The following CACNA1I variants were observed in gnomAD, a reference collection of about 807,000 sequenced individuals.
CACNA1I encodes calcium voltage-gated channel subunit alpha1 I.
In CACNA1I, 74 loss-of-function variants were observed where a neutral mutation model predicts 201.6. That is an observed-to-expected ratio of 0.37 (90% CI 0.30 to 0.45). The LOEUF (loss-of-function observed/expected upper bound fraction) is 0.45, where lower values mean the gene tolerates loss of function less well. Ranked by LOEUF, CACNA1I falls within the 20% of genes least tolerant of loss-of-function variation. The pLI, the probability that CACNA1I is intolerant of heterozygous loss-of-function variation, is 1.00. For synonymous variants in CACNA1I, 1,431 were observed against 1,345.2 expected (o/e 1.06, Z -1.40); for missense variants, 2,346 against 3,138.1 (o/e 0.75, Z 6.03).
intron 5 of CACNA1I, among the ~76,000 whole-genome samples, chr22:39,639,781 T>A (rs1934308164): frequency 6.6e-6 from 1 of 152,226 alleles, no homozygotes; most frequent in African/African-American, 2.4e-5. Context: ...AAGTTCTCCT[T>A]TGTACATGGG....
intron 7 of CACNA1I, among the ~76,000 whole-genome samples, chr22:39,645,951 T>C (rs1934474619): frequency 6.6e-6 from 1 of 152,164 alleles, no homozygotes; most frequent in Non-Finnish European, 1.5e-5. Context: ...GGCCAGATTC[T>C]GGTCAGAGAG....
intron 18 of CACNA1I, 47 bp from the exon 19 acceptor site, chr22:39,663,671 G>A (rs372033670): frequency 1.2e-6 from 2 of 1,609,696 alleles, no homozygotes; most frequent in Non-Finnish European, 1.7e-6. Context: ...TTCTGGCCAG[G>A]GTGGGAGGCA....
At position 39,659,362 on chromosome 22, in the gene CACNA1I, G is replaced by A; in HGVS notation, c.2331-71G>A. ...TGCCCTGCATTTTACTGAGTTGACT[G>A]AGAATGAAACAAGGTGAGTAGGCAG... On this transcript the variant is annotated intron_variant, in intron 12 of 36. Coordinates refer to ENST00000402142, the MANE Select transcript of CACNA1I (RefSeq NM_021096.4). The surrounding 1 kb of genome is among the most constrained non-coding windows in gnomAD (Gnocchi z 4.3). 2.7e-6 allele frequency: 3 copies of A among 1,120,898 alleles called. No individual in the cohort carries two copies. The Admixed American group carries it at 6.0e-5, about 22-fold the overall frequency. 69.4% of individuals were successfully genotyped at this position (1,120,898 alleles called of 1,614,324 possible).
chr22:39,658,325 C>T (rs529457971), intron 11 of CACNA1I, 22 bp downstream of exon 11: 110 of 1,609,952 alleles, frequency 6.8e-5, no homozygotes, highest in Admixed American at 1.3e-4. Context: ...CCAACCCACC[C>T]GGCAGCAGAG....
chr22:39,596,518 A>G, intron 1 of CACNA1I, among the ~76,000 whole-genome samples: 1 of 36,838 alleles, frequency 2.7e-5, no homozygotes. Context: ...GTGGAGAGAG[A>G]TGGGGGGGCA....
Position 39,663,223 on chromosome 22 carries a change from G to T in CACNA1I, c.3473+347G>T, listed in dbSNP as rs187348927. ...CTCTCCTCTAGTCTAGGCCATCCCT[G>T]TGCTGGGCACCAGGTTGAACCATTC... is the stretch of plus-strand genomic sequence containing the variant. On this transcript the variant is annotated intron_variant, in intron 18 of 36. Transcript: ENST00000402142. Among the ~76,000 whole-genome samples, 11 of 152,358 alleles carry T rather than the reference G, an allele frequency of 7.2e-5. No individual in the cohort carries two copies. In the East Asian group the frequency reaches 1.9e-3, roughly 27 times the overall value.
Position 39,651,915 on chromosome 22 carries a change from C to T in CACNA1I, c.1992+1990C>T, listed in dbSNP as rs116328948. 5.2e-3 allele frequency among the ~76,000 whole-genome samples: 792 copies of T among 152,340 alleles called. 10 individuals carry two copies. Among genetic ancestry groups the T allele is most frequent in the African/African-American group, 0.018 (746 of 41,568 alleles). Reference sequence around the variant, plus strand: ...ACCCACCCCATCCATGTCAACACCACGGCCAGGGCAGGTCCAGCCTCAGGC... The same window carrying T: ...ACCCACCCCATCCATGTCAACACCATGGCCAGGGCAGGTCCAGCCTCAGGC... On this transcript the variant is annotated intron_variant, in intron 10 of 36. Coordinates refer to ENST00000402142, the MANE Select transcript of CACNA1I (RefSeq NM_021096.4).
intron 5 of CACNA1I, among the ~76,000 whole-genome samples, chr22:39,636,512 G>A (rs917291310): frequency 2.6e-5 from 4 of 152,240 alleles, no homozygotes; most frequent in African/African-American, 9.6e-5. Context: ...GATGGTCGGT[G>A]TTGCGTGAAA....
intron 10 of CACNA1I, among the ~76,000 whole-genome samples, chr22:39,657,315 T>C (rs980454612): frequency 6.6e-6 from 1 of 152,172 alleles, no homozygotes. Context: ...TCTGACCAAC[T>C]AGTGGCTTTG....
chr22:39,634,015 C>G (rs1254056565), intron 4 of CACNA1I, among the ~76,000 whole-genome samples: 3 of 152,206 alleles, frequency 2.0e-5, no homozygotes, highest in Admixed American at 6.5e-5. Context: ...CGTACTACAA[C>G]CACTCTGCAG....
chr22:39,633,979 G>A (rs1934135997), intron 4 of CACNA1I, among the ~76,000 whole-genome samples: 1 of 152,174 alleles, frequency 6.6e-6, no homozygotes, highest in Admixed American at 6.5e-5. Context: ...AGAGACAAAG[G>A]GTATTCAGGA....
chr22:39,646,770 C>T lies in CACNA1I; in HGVS notation c.1351C>T (p.Arg451Cys), dbSNP rs1013372739. The change falls in exon 8 of 37, where the codon CGC (arginine) becomes TGC (cysteine). Residue 451 changes from arginine (R) to cysteine (C), a missense_variant. Coordinates refer to ENST00000402142, the MANE Select transcript of CACNA1I (RefSeq NM_021096.4). ...YVCHILRKAK[R>C]RALGLYQALQ... is the part of the protein sequence containing the mutation. ...CTGCCACATCCTGCGCAAGGCCAAG[C>T]GCCGCGCCCTGGGCCTCTACCAGGC... 3 of 1,585,316 alleles carry T rather than the reference C, an allele frequency of 1.9e-6. No individual in the cohort carries two copies. The highest frequency in any genetic ancestry group is 1.3e-5 in the African/African-American group (1 of 74,248).
At chr22:39,636,734 C>A (rs1244988888) in intron 5 of CACNA1I, among the ~76,000 whole-genome samples, 1 of 152,190 alleles carries the variant, frequency 6.6e-6, no homozygotes, top group Non-Finnish European at 1.5e-5. Context: ...AAGATCCTAG[C>A]TAGGATCTTG....
In CACNA1I at chr22:39,593,982, C is replaced by A. The variant is rs112825641; in HGVS notation, c.237-4169C>A. Among the ~76,000 whole-genome samples the A allele has an allele frequency of 5.5e-3, 829 of 151,996 alleles. 7 individuals carry two copies. Among genetic ancestry groups the A allele is most frequent in the African/African-American group, 0.019 (784 of 41,454 alleles). ...GGCAGAGACCAGAGCTGGGGGATAC[C>A]GAGGATGCTGGGTCAGGGTCCTGGG... On this transcript the variant is annotated intron_variant, in intron 1 of 36. Coordinates refer to ENST00000402142, the MANE Select transcript of CACNA1I (RefSeq NM_021096.4).
In CACNA1I at chr22:39,684,668, A is replaced by G. The variant is rs1601534654; in HGVS notation, c.6027+170A>G. ...GGGGTGACGCTGAGACTGGAGGGGG[A>G]GGTGGCACTGGGGCGGATGGAGTGG... On this transcript the variant is annotated intron_variant, in intron 36 of 36. Coordinates refer to ENST00000402142, the MANE Select transcript of CACNA1I (RefSeq NM_021096.4). This position sits in a 1 kb window ranked among gnomAD's most constrained non-coding sequence, Gnocchi z 4.6. 4 of 424,692 alleles carry G rather than the reference A, an allele frequency of 9.4e-6. No homozygotes were observed. The highest frequency in any genetic ancestry group is 1.7e-5 in the Non-Finnish European group (4 of 238,740). 26.3% of individuals were successfully genotyped at this position (424,692 alleles called of 1,614,324 possible).
At chr22:39,640,304 G>A (rs890013546) in intron 5 of CACNA1I, among the ~76,000 whole-genome samples, 13 of 152,146 alleles carry the variant, frequency 8.5e-5, no homozygotes, top group Admixed American at 2.0e-4. Context: ...CAGGAGAATT[G>A]CTTGAACCCA....
At chr22:39,642,741 CT>C in intron 6 of CACNA1I, 55 bp from the exon 7 acceptor site, 1 of 1,256,618 alleles carries the variant, frequency 8.0e-7, no homozygotes, top group Non-Finnish European at 1.1e-6. Context: ...ACTGCCTGGG[CT>C]ACGGGCTTTC....
chr22:39,677,922 C>G lies in CACNA1I; in HGVS notation c.4934-65C>G, dbSNP rs1455833481. 2.7e-6 allele frequency: 4 copies of G among 1,505,876 alleles called. No individual in the cohort carries two copies. The African/African-American group carries it at 5.5e-5, about 21-fold the overall frequency. The allele number at this position is 1,505,876 out of a possible 1,614,324, so 93.3% of individuals were successfully genotyped here. A position where few individuals can be genotyped will look rare whatever the true frequency, so the allele number is the denominator to read the frequency against. ...GGTTCTGAGGCGAGGCGGGAGGCAC[C>G]AGGTCAGGGTGAGCCCCGCAGGCAC... On this transcript the variant is annotated intron_variant, in intron 30 of 36. Coordinates refer to ENST00000402142, the MANE Select transcript of CACNA1I (RefSeq NM_021096.4). This position sits in a 1 kb window ranked among gnomAD's most constrained non-coding sequence, Gnocchi z 4.8.
Position 39,600,508 on chromosome 22 carries a change from C to CT in CACNA1I, c.349-11dup. ...CACCCTGTCCCTTGCTTCCCTCCTC[C>CT]TGCCCCTGCAGGTCTTTGATGACTT... On this transcript the variant is annotated splice_polypyrimidine_tract_variant and intron_variant, in intron 2 of 36. Coordinates refer to ENST00000402142, the MANE Select transcript of CACNA1I (RefSeq NM_021096.4). The CT allele has an allele frequency of 6.2e-7, 1 of 1,610,798 alleles. No homozygotes were observed. The highest frequency in any genetic ancestry group is 8.5e-7 in the Non-Finnish European group (1 of 1,178,426).
Sources: gnomAD v4.1 joint callset for allele counts (sites outside exome capture counted in the v4.1 genomes callset) on GRCh38, gnomAD v4.1.1 for gene constraint, Gnocchi (gnomAD v3.1) non-coding constraint, MANE v1.5 for transcripts, NCBI Gene and HGNC (gene_info 2026-07-23, HGNC 2026-07-21) for gene names.